The following CMYA5 variants were observed in gnomAD, a reference collection of about 807,000 sequenced individuals.
CMYA5 encodes the protein cardiomyopathy-associated protein 5.
A neutral mutation model predicts 318.9 loss-of-function variants in CMYA5; 246 were observed. That is an observed-to-expected ratio of 0.77 (90% CI 0.70 to 0.86). The LOEUF (loss-of-function observed/expected upper bound fraction) is 0.86, where lower values mean the gene tolerates loss of function less well. Among genes scored for constraint, CMYA5 ranks in the 40% least tolerant of loss-of-function variants. CMYA5 has a pLI of 0.00. For synonymous variants in CMYA5, 1,641 were observed against 1,729.5 expected (o/e 0.95, Z 1.27); for missense variants, 4,589 against 4,678.2 (o/e 0.98, Z 0.56).
At chr5:79,721,374 T>C (rs1178358321) in intron 1 of CMYA5, among the ~76,000 whole-genome samples, 1 of 151,916 alleles carries the variant, frequency 6.6e-6, no homozygotes, top group Non-Finnish European at 1.5e-5. Flanking sequence ...AAAAGGAATA[T>C]AGAATAGGTA....
At position 79,731,740 on chromosome 5, in the gene CMYA5, C is replaced by G; in HGVS notation, c.2975C>G (p.Thr992Ser). The G allele has an allele frequency of 6.2e-7, 1 of 1,613,882 alleles. No homozygotes were observed. Among genetic ancestry groups the G allele is most frequent in the Non-Finnish European group, 8.5e-7 (1 of 1,179,856 alleles). ...CACACTATTTTGTCAGATGAAGACA[C>G]TGAAGAAGCGGAACTGTTCTCTCCA... Reference protein sequence around the residue: ...SEHTILSDEDTEEAELFSPDS... With the variant: ...SEHTILSDEDSEEAELFSPDS... The change falls in exon 2 of 13, where the codon ACT becomes AGT. Residue 992 changes from threonine to serine, a missense_variant. Around this residue, in one of 3 missense-constraint regions of CMYA5, gnomAD observed 2,132 missense variants for 2,131.3 expected, o/e 1.00. Coordinates refer to ENST00000446378, the MANE Select transcript of CMYA5 (RefSeq NM_153610.5).
intron 1 of CMYA5, among the ~76,000 whole-genome samples, chr5:79,696,972 A>G (rs1178661598): frequency 6.6e-6 from 1 of 151,848 alleles, no homozygotes; most frequent in Non-Finnish European, 1.5e-5. Context: ...ATGCCATTGC[A>G]CTCCAGCCTG....
intron 7 of CMYA5, among the ~76,000 whole-genome samples, chr5:79,759,750 A>G (rs1235307975): frequency 2.0e-5 from 3 of 152,208 alleles, no homozygotes; most frequent in Non-Finnish European, 2.9e-5. Context: ...ATTTGTAATC[A>G]GGAATGAATG....
At chr5:79,793,334 G>T in intron 11 of CMYA5, 103 bp from the exon 12 acceptor site, 1 of 1,155,056 alleles carries the variant, frequency 8.7e-7, no homozygotes, top group South Asian at 1.5e-5. Context: ...GTTTCCAAGG[G>T]CAGAATCCTG....
intron 1 of CMYA5, among the ~76,000 whole-genome samples, chr5:79,711,805 T>A (rs2151078513): frequency 6.6e-6 from 1 of 152,348 alleles, no homozygotes; most frequent in African/African-American, 2.4e-5. Context: ...ATATAATGAT[T>A]AATTTTTCTT....
Position 79,729,660 on chromosome 5 carries a change from G to T in CMYA5, c.895G>T (p.Val299Phe). The T allele has an allele frequency of 6.2e-7, 1 of 1,613,668 alleles. No individual in the cohort carries two copies. Among genetic ancestry groups the T allele is most frequent in the Non-Finnish European group, 8.5e-7 (1 of 1,179,800 alleles). The stretch of plus-strand genomic sequence containing the variant: ...AAGCATAGAGGATAAAGTAAAAGAG[G>T]TTTTTCCACCCTGGAGAGGCGCACT... Reference protein sequence around the residue: ...AQSIEDKVKEVFPPWRGALSK... With the variant: ...AQSIEDKVKEFFPPWRGALSK... Residue 299 changes from valine to phenylalanine, a missense_variant, in exon 2 of 13, where the codon GTT becomes TTT. Coordinates refer to ENST00000446378, the MANE Select transcript of CMYA5 (RefSeq NM_153610.5).
chr5:79,735,940 C>T lies in CMYA5; in HGVS notation c.7175C>T (p.Ser2392Phe). 2 of 1,611,242 alleles carry T rather than the reference C, an allele frequency of 1.2e-6. No homozygotes were observed. The highest frequency in any genetic ancestry group is 1.7e-6 in the Non-Finnish European group (2 of 1,179,136). Reference protein sequence around the residue: ...DKVPQQPKSASSNFASKNITK... With the variant: ...DKVPQQPKSAFSNFASKNITK... ...GTGCCACAACAGCCAAAATCAGCTT[C>T]CTCCAACTTTGCAAGTAAAAATATC... The change falls in exon 2 of 13, where the codon TCC becomes TTC. Residue 2392 changes from serine (S) to phenylalanine (F), a missense_variant. Ser to Phe is a radical substitution (Grantham distance 155). This residue lies in a region of CMYA5 where 2,431 missense variants were observed against 2,495.1 expected (regional missense o/e 0.97). Coordinates refer to ENST00000446378, the MANE Select transcript of CMYA5 (RefSeq NM_153610.5).
intron 9 of CMYA5, among the ~76,000 whole-genome samples, chr5:79,769,616 T>C (rs1828818388): frequency 6.6e-6 from 1 of 152,100 alleles, no homozygotes; most frequent in Non-Finnish European, 1.5e-5. Flanking sequence ...TTTGCCTGGG[T>C]ATCACAAGCA....
intron 1 of CMYA5, among the ~76,000 whole-genome samples, chr5:79,714,988 T>C (rs1248134901): frequency 1.3e-5 from 2 of 152,196 alleles, no homozygotes; most frequent in Non-Finnish European, 2.9e-5. Flanking sequence ...AACTGGGTTA[T>C]CTCTGGTAAT....
intron 1 of CMYA5, among the ~76,000 whole-genome samples, chr5:79,698,323 A>AAAAAC (rs1561625835): frequency 6.6e-5 from 10 of 152,096 alleles, no homozygotes; most frequent in East Asian, 5.8e-4. Context: ...AAAACAAAAA[A>AAAAAC]AAAAACACCT....
intron 5 of CMYA5, among the ~76,000 whole-genome samples, chr5:79,750,061 G>A (rs983888888): frequency 8.0e-5 from 12 of 150,926 alleles, no homozygotes; most frequent in African/African-American, 2.7e-4. Context: ...CTTGAATAAC[G>A]CCATGATACC....
chr5:79,717,891 T>A (rs373525338), intron 1 of CMYA5, among the ~76,000 whole-genome samples: 13 of 46,388 alleles, frequency 2.8e-4, no homozygotes, highest in African/African-American at 1.6e-3. Flanking sequence ...GCTATTTTTT[T>A]TTTTTTTTTT....
At position 79,729,370 on chromosome 5, in the gene CMYA5, C is replaced by T; in HGVS notation, c.605C>T (p.Pro202Leu). The T allele has an allele frequency of 6.2e-7, 1 of 1,613,586 alleles. No homozygotes were observed. Among genetic ancestry groups the T allele is most frequent in the Non-Finnish European group, 8.5e-7 (1 of 1,179,704 alleles). Residue 202 changes from proline (P) to leucine (L), a missense_variant, in exon 2 of 13, where the codon CCT (proline) becomes CTT (leucine). Physicochemically the swap from Pro to Leu is moderately conservative, Grantham distance 98. This residue lies in a region of CMYA5 where 2,132 missense variants were observed against 2,131.3 expected (regional missense o/e 1.00). Coordinates refer to ENST00000446378, the MANE Select transcript of CMYA5 (RefSeq NM_153610.5). The part of the protein sequence containing the change: ...ARKKKTTSNT[P>L]PITGAIYKEH... Reference sequence around the variant, plus strand: ...AAAAAGAAGACCACTTCAAATACACCTCCGATTACTGGGGCAATATACAAA... The same window carrying T: ...AAAAAGAAGACCACTTCAAATACACTTCCGATTACTGGGGCAATATACAAA...
At chr5:79,699,751 C>T (rs1827140376) in intron 1 of CMYA5, among the ~76,000 whole-genome samples, 2 of 152,220 alleles carry the variant, frequency 1.3e-5, no homozygotes, top group South Asian at 4.1e-4. Flanking sequence ...ATTTCCCTGA[C>T]TCCTCAGAGA....
At chr5:79,742,424 C>T (rs1035390878) in intron 2 of CMYA5, among the ~76,000 whole-genome samples, 2 of 152,106 alleles carry the variant, frequency 1.3e-5, no homozygotes, top group African/African-American at 4.8e-5. Context: ...TGGCTACCAG[C>T]GATCTTCCCA....
chr5:79,693,538 T>C (rs1167930565), intron 1 of CMYA5, among the ~76,000 whole-genome samples: 1 of 151,922 alleles, frequency 6.6e-6, no homozygotes, highest in Non-Finnish European at 1.5e-5. Context: ...GACAGGGTTT[T>C]GCCGTGTTGC....
intron 1 of CMYA5, among the ~76,000 whole-genome samples, chr5:79,691,957 T>G (rs1249110052): frequency 1.1e-4 from 17 of 152,244 alleles, no homozygotes. Context: ...AAGTTTTTTC[T>G]GATTGGCAAT....
intron 9 of CMYA5, among the ~76,000 whole-genome samples, chr5:79,770,313 G>C (rs376324326): frequency 3.3e-5 from 5 of 152,130 alleles, no homozygotes; most frequent in Admixed American, 1.3e-4. Flanking sequence ...GGAGTGAATG[G>C]TTCTGTCTTG....
intron 9 of CMYA5, among the ~76,000 whole-genome samples, chr5:79,764,837 G>T (rs6894674): frequency 0.11 from 16,482 of 150,858 alleles, 1,160 homozygotes; most frequent in East Asian, 0.31. Flanking sequence ...TTTTGATGGG[G>T]TTTTTTTTTC....
Sources: gnomAD v4.1 joint callset for allele counts (sites outside exome capture counted in the v4.1 genomes callset) on GRCh38, gnomAD v4.1.1 for gene constraint, gnomAD v4.1.1 regional missense constraint, MANE v1.5 for transcripts, NCBI Gene and HGNC (gene_info 2026-07-23, HGNC 2026-07-21) for gene names.